TRIML1: variants seen among roughly 807,000 people sequenced by gnomAD.
TRIML1 encodes tripartite motif family like 1.
TRIML1 carries 34 observed loss-of-function variants against 32.3 expected under a neutral mutation model. The ratio of observed to expected loss-of-function variants is 1.05; its 90% CI spans 0.80 to 1.40. TRIML1 has a LOEUF of 1.40. Among genes scored for constraint, TRIML1 ranks in the 40% most tolerant of loss-of-function variants. The pLI is 0.00. For missense variants in TRIML1, 595 were observed against 574.9 expected (o/e 1.03, Z -0.36); for synonymous variants, 244 against 226.6 (o/e 1.08, Z -0.69).
At chr4:188,144,522 C>CTG (rs1734992904) in intron 5 of TRIML1, among the ~76,000 whole-genome samples, 1 of 138,514 alleles carries the variant, frequency 7.2e-6, no homozygotes, top group South Asian at 2.5e-4. Flanking sequence ...GCCACCACGC[C>CTG]TGGGTAATTT....
chr4:188,145,478 T>TAAAAAA (rs1735040954), intron 5 of TRIML1, among the ~76,000 whole-genome samples: 15 of 11,036 alleles, frequency 1.4e-3, no homozygotes, highest in Non-Finnish European at 1.6e-3. Flanking sequence ...AAAAAAAAAG[T>TAAAAAA]CAGAAATGGA....
chr4:188,144,414 G>C (rs553801913), intron 5 of TRIML1, among the ~76,000 whole-genome samples: 34 of 150,800 alleles, frequency 2.3e-4, no homozygotes, highest in Admixed American at 9.9e-4. Context: ...CCGGGCTGGA[G>C]CGCAGGGGCG....
In TRIML1 at chr4:188,139,766, C is replaced by A. The variant is rs184902814; in HGVS notation, c.208C>A (p.Arg70Ser). The change falls in exon 1 of 6, where the codon CGT becomes AGT. Residue 70 changes from arginine (R) to serine (S), a missense_variant. Physicochemically the swap from Arg to Ser is moderately radical, Grantham distance 110 (BLOSUM62 -1). Transcript: ENST00000332517. ...GGGCCCGCATTTCCAGTCAAACGAG[C>A]GTCTGGGGAGGCTGGCCAGCATCGC... ...LEGPHFQSNERLGRLASIARQ... is the reference protein window; with the variant it reads ...LEGPHFQSNESLGRLASIARQ... 3.0e-5 allele frequency: 48 copies of A among 1,613,886 alleles called. No individual in the cohort carries two copies. The East Asian group carries it at 6.7e-4, about 22-fold the overall frequency.
chr4:188,144,519 C>A (rs187875319), intron 5 of TRIML1, among the ~76,000 whole-genome samples: 54 of 139,278 alleles, frequency 3.9e-4, no homozygotes, highest in African/African-American at 1.3e-3. Flanking sequence ...CCCGCCACCA[C>A]GCCTGGGTAA....
chr4:188,139,796 C>A lies in TRIML1; in HGVS notation c.238C>A (p.Gln80Lys). Reference sequence around the variant, plus strand: ...GGGGAGGCTGGCCAGCATCGCCAGGCAGCTCCGGTCCCAGGTGCTGCAGAG... The same window carrying A: ...GGGGAGGCTGGCCAGCATCGCCAGGAAGCTCCGGTCCCAGGTGCTGCAGAG... Reference protein sequence around the residue: ...RLGRLASIARQLRSQVLQSED... With the variant: ...RLGRLASIARKLRSQVLQSED... The change falls in exon 1 of 6, where the codon CAG becomes AAG. Residue 80 changes from glutamine to lysine, a missense_variant. By Grantham distance (53) the Gln-to-Lys change is moderately conservative. Transcript: ENST00000332517. 1 of 1,613,962 alleles carries A rather than the reference C, an allele frequency of 6.2e-7. No homozygotes were observed. The highest frequency in any genetic ancestry group is 1.3e-5 in the African/African-American group (1 of 75,058).
intron 2 of TRIML1, 99 bp from the exon 3 acceptor site, chr4:188,142,153 C>A: frequency 1.5e-5 from 12 of 791,918 alleles, no homozygotes; most frequent in East Asian, 2.7e-5. Flanking sequence ...AACTCTAGGA[C>A]TTGTAAGGAT....
At chr4:188,138,715 G>A (rs969982919), upstream of TRIML1, among the ~76,000 whole-genome samples, 2 of 152,172 alleles carry the variant, frequency 1.3e-5, no homozygotes, top group Non-Finnish European at 2.9e-5. Context: ...GTGAAAATAA[G>A]TGAGCAAAAT....
intron 5 of TRIML1, among the ~76,000 whole-genome samples, chr4:188,144,643 T>A (rs953913199): frequency 2.0e-5 from 3 of 152,028 alleles, no homozygotes; most frequent in Non-Finnish European, 4.4e-5. Flanking sequence ...ATTACAGGCG[T>A]GAGCCACTGC....
chr4:188,144,451 T>C (rs7671309), intron 5 of TRIML1, among the ~76,000 whole-genome samples: 111,211 of 140,412 alleles, frequency 0.79, 44,920 homozygotes, highest in Non-Finnish European at 0.87. Context: ...CAAGCTCCGC[T>C]TCCCGGGTTC....
At chr4:188,142,660 G>GAA (rs200754082) in intron 3 of TRIML1, among the ~76,000 whole-genome samples, 178 bp downstream of exon 3, 5 of 139,296 alleles carry the variant, frequency 3.6e-5, no homozygotes, top group Admixed American at 7.3e-5. Flanking sequence ...GAGAGAGAGA[G>GAA]AAAAAAAAAA....
In TRIML1 at chr4:188,147,057, A is replaced by C. The variant is rs772506477; in HGVS notation, c.1092A>C (p.Arg364Ser). 1 of 1,613,364 alleles carries C rather than the reference A, an allele frequency of 6.2e-7. No individual in the cohort carries two copies. Among genetic ancestry groups the C allele is most frequent in the Non-Finnish European group, 8.5e-7 (1 of 1,179,702 alleles). The change falls in exon 6 of 6, where the codon AGA (arginine) becomes AGC (serine). Residue 364 changes from arginine (R) to serine (S), a missense_variant. Transcript: ENST00000332517. ...EVGICKDSVSRKGNLPKPPGD... is the reference protein window; with the variant it reads ...EVGICKDSVSSKGNLPKPPGD... Reference sequence around the variant, plus strand: ...GCATCTGCAAGGACTCTGTGAGCAGAAAGGGGAATCTCCCCAAGCCACCTG... The same window carrying C: ...GCATCTGCAAGGACTCTGTGAGCAGCAAGGGGAATCTCCCCAAGCCACCTG...
chr4:188,145,591 G>C (rs1484042032), intron 5 of TRIML1, among the ~76,000 whole-genome samples: 1 of 151,940 alleles, frequency 6.6e-6, no homozygotes, highest in Non-Finnish European at 1.5e-5. Flanking sequence ...GGGAGACTGA[G>C]GTGGGTGGAT....
intron 2 of TRIML1, among the ~76,000 whole-genome samples, chr4:188,141,165 G>GTTTTTTTTTTTTTTTTTTTTTTT (rs58714915): frequency 1.7e-5 from 2 of 118,822 alleles, no homozygotes; most frequent in Admixed American, 9.7e-5. Context: ...TTTGAAATCT[G>GTTTTTTTTTTTTTTTTTTTTTTT]TTTTTTTTTT....
chr4:188,141,803 G>T lies in TRIML1; in HGVS notation c.505-449G>T, dbSNP rs534601514. Among the ~76,000 whole-genome samples, 24 of 152,048 alleles carry T rather than the reference G, an allele frequency of 1.6e-4. 1 individual carries two copies. In the South Asian group the frequency reaches 5.0e-3, roughly 32 times the overall value. ...AAATGTATTATATGTTGGATTTCAG[G>T]AATTGTTGCCATGAAACTCTAGGAC... is the stretch of plus-strand genomic sequence containing the variant. On this transcript the variant is annotated intron_variant, in intron 2 of 5. Transcript: ENST00000332517.
chr4:188,144,406 G>T lies in TRIML1; in HGVS notation c.856+273G>T, dbSNP rs7693265. Among the ~76,000 whole-genome samples the T allele has an allele frequency of 1.3e-4, 19 of 146,096 alleles. 1 individual carries two copies. The East Asian group carries it at 3.7e-3, about 28-fold the overall frequency. On this transcript the variant is annotated intron_variant, in intron 5 of 5. Coordinates refer to ENST00000332517, the MANE Select transcript of TRIML1 (RefSeq NM_178556.5). ...GAGACGGAGTCTCACTCCGTGTCCC[G>T]GGCTGGAGCGCAGGGGCGCGATCTC...
chr4:188,140,004 G>A (rs530252754), intron 1 of TRIML1, 38 bp downstream of exon 1: 26 of 1,547,366 alleles, frequency 1.7e-5, no homozygotes, highest in South Asian at 2.5e-5. Flanking sequence ...ACGACTCATC[G>A]CAGCTAACTC....
upstream of TRIML1, among the ~76,000 whole-genome samples, chr4:188,137,440 T>G (rs1265341928): frequency 6.6e-6 from 1 of 150,882 alleles, no homozygotes; most frequent in African/African-American, 2.4e-5. Context: ...GTAGCTGGGA[T>G]TACAGGCGTG....
At chr4:188,145,278 AAAT>A (rs1448667033) in intron 5 of TRIML1, among the ~76,000 whole-genome samples, 1 of 150,908 alleles carries the variant, frequency 6.6e-6, no homozygotes, top group Non-Finnish European at 1.5e-5. Flanking sequence ...TCTCTGCTAA[AAAT>A]ACAAAAAAAA....
intron 4 of TRIML1, 73 bp downstream of exon 4, chr4:188,143,933 T>C: frequency 1.2e-6 from 2 of 1,608,982 alleles, no homozygotes; most frequent in Non-Finnish European, 1.7e-6. Flanking sequence ...TGAGTGGGGA[T>C]AGGAGGTCTG....
Sources: allele counts gnomAD v4.1 joint callset (sites outside exome capture counted in the v4.1 genomes callset), GRCh38; gene constraint gnomAD v4.1.1; transcripts MANE v1.5; gene names NCBI Gene and HGNC (gene_info 2026-07-23, HGNC 2026-07-21).